GALNT2: variants seen among roughly 807,000 people sequenced by gnomAD.
GALNT2 encodes the protein UDP-GalNAc:polypeptide N-acetylgalactosaminyltransferase 2.
A neutral mutation model predicts 81.4 loss-of-function variants in GALNT2; 31 were observed. The ratio of observed to expected loss-of-function variants is 0.38; its 90% confidence interval spans 0.29 to 0.51. GALNT2 has a LOEUF of 0.51. GALNT2 is among the 20% of genes least tolerant of loss of function. The pLI, the probability that GALNT2 is intolerant of heterozygous loss-of-function variation, is 0.87. For synonymous variants in GALNT2, 303 were observed against 287.4 expected, an observed-to-expected ratio of 1.05 and a Z score of -0.55; for missense variants, 629 against 765.7, an observed-to-expected ratio of 0.82 and a Z score of 2.11.
intron 15 of GALNT2, among the ~76,000 whole-genome samples, chr1:230,277,424 A>G (rs1365118317): frequency 6.6e-6 from 1 of 152,204 alleles, no homozygotes; most frequent in South Asian, 2.1e-4. Flanking sequence ...GATTCCGTTC[A>G]TTCCGAATTC....
chr1:230,165,237 A>G (rs1662565172), intron 1 of GALNT2, among the ~76,000 whole-genome samples: 1 of 152,184 alleles, frequency 6.6e-6, no homozygotes, highest in African/African-American at 2.4e-5. Flanking sequence ...ATTTTTATAT[A>G]GTTGTTTCAT....
intron 1 of GALNT2, among the ~76,000 whole-genome samples, chr1:230,123,878 G>A (rs1279136943): frequency 6.6e-6 from 1 of 152,148 alleles, no homozygotes; most frequent in Non-Finnish European, 1.5e-5. Context: ...TAGCAGATGT[G>A]ATACAGAAAC....
At chr1:230,190,310 G>A (rs1469503371) in intron 2 of GALNT2, among the ~76,000 whole-genome samples, 1 of 152,216 alleles carries the variant, frequency 6.6e-6, no homozygotes, top group Non-Finnish European at 1.5e-5. Flanking sequence ...AGGTGGGTGT[G>A]CTGCCCCCAT....
At chr1:230,181,763 G>A (rs1283450534) in intron 2 of GALNT2, among the ~76,000 whole-genome samples, 1 of 152,144 alleles carries the variant, frequency 6.6e-6, no homozygotes, top group Admixed American at 6.5e-5. Flanking sequence ...GAATGAGTTA[G>A]GAAGTATTTC....
chr1:230,278,818 AGCCCTAAGTGGGAGCATGGAGGT>A (rs1177885075), intron 15 of GALNT2, among the ~76,000 whole-genome samples: 1 of 152,210 alleles, frequency 6.6e-6, no homozygotes, highest in Non-Finnish European at 1.5e-5. Flanking sequence ...CCGAGCAGAA[AGCCCTAAGTGGGAGCATGGAGGT>A]GCCCAGACCA....
chr1:230,220,328 C>T (rs776759103), intron 3 of GALNT2, among the ~76,000 whole-genome samples: 14 of 151,668 alleles, frequency 9.2e-5, no homozygotes, highest in Admixed American at 3.3e-4. Flanking sequence ...TATGGACCCT[C>T]GCTAGGTAAA....
Position 230,197,433 on chromosome 1 carries a change from C to T in GALNT2, c.221-5704C>T, listed in dbSNP as rs187428549. Among the ~76,000 whole-genome samples the T allele has an allele frequency of 1.6e-4, 25 of 152,252 alleles. No individual in the cohort carries two copies. In the East Asian group the frequency reaches 2.5e-3, roughly 15 times the overall value. ...CCTCTATGCTTCCTGCTCGCCCCCCCGGGGTCAGTTGCAGAGTGGGACACC... is the reference window on the plus strand; with the variant it reads ...CCTCTATGCTTCCTGCTCGCCCCCCTGGGGTCAGTTGCAGAGTGGGACACC... On this transcript the variant is annotated intron_variant, in intron 2 of 15. Coordinates refer to ENST00000366672, the MANE Select transcript of GALNT2 (RefSeq NM_004481.5).
Position 230,265,632 on chromosome 1 carries a change from G to A in GALNT2, c.1440+265G>A, listed in dbSNP as rs565167452. Among the ~76,000 whole-genome samples, 4 of 152,338 alleles carry A rather than the reference G, an allele frequency of 2.6e-5. No individual in the cohort carries two copies. The South Asian group carries it at 8.3e-4, about 32-fold the overall frequency. ...CAAGGGTGCACTGGTCACAGTTGCTGGTTGCAGGGCCCTGGTCTTCCTGCC... is the reference window on the plus strand; with the variant it reads ...CAAGGGTGCACTGGTCACAGTTGCTAGTTGCAGGGCCCTGGTCTTCCTGCC... On this transcript the variant is annotated intron_variant, in intron 14 of 15. Transcript: ENST00000366672.
intron 6 of GALNT2, among the ~76,000 whole-genome samples, chr1:230,242,938 G>A (rs1055971823): frequency 6.6e-6 from 1 of 152,168 alleles, no homozygotes; most frequent in African/African-American, 2.4e-5. Flanking sequence ...GGAAGTCTCT[G>A]GGTGACACCT....
chr1:230,202,733 C>T (rs540135542), intron 2 of GALNT2, among the ~76,000 whole-genome samples: 1 of 152,240 alleles, frequency 6.6e-6, no homozygotes, highest in African/African-American at 2.4e-5. Flanking sequence ...TGATGGAATA[C>T]CTTATGTGCA....
intron 1 of GALNT2, among the ~76,000 whole-genome samples, chr1:230,116,197 G>C (rs531596620): frequency 9.2e-5 from 14 of 152,284 alleles, no homozygotes; most frequent in Non-Finnish European, 1.6e-4. Flanking sequence ...TATAAGAGGA[G>C]TCACTATCTA....
At chr1:230,138,510 G>C (rs1661624460) in intron 1 of GALNT2, among the ~76,000 whole-genome samples, 1 of 144,686 alleles carries the variant, frequency 6.9e-6, no homozygotes, top group Non-Finnish European at 1.5e-5. Flanking sequence ...GGGCGATGCA[G>C]CGAGACTCTG....
chr1:230,098,810 G>A (rs1660322078), intron 1 of GALNT2, among the ~76,000 whole-genome samples: 1 of 152,184 alleles, frequency 6.6e-6, no homozygotes, highest in Admixed American at 6.5e-5. Context: ...TGGCAGATTA[G>A]CATCCAAGAT....
intron 1 of GALNT2, among the ~76,000 whole-genome samples, chr1:230,080,621 G>T (rs1045860672): frequency 5.9e-5 from 9 of 152,176 alleles, no homozygotes; most frequent in Non-Finnish European, 1.0e-4. Flanking sequence ...TGGACAGCTA[G>T]CTCTGGGTGT....
chr1:230,236,793 G>T, intron 6 of GALNT2, 68 bp downstream of exon 6: 3 of 1,479,276 alleles, frequency 2.0e-6, no homozygotes, highest in South Asian at 2.5e-5. Flanking sequence ...ACATAAAGAA[G>T]TGCTTTAGCT....
intron 1 of GALNT2, among the ~76,000 whole-genome samples, chr1:230,151,590 A>G (rs1168005853): frequency 6.6e-6 from 1 of 152,042 alleles, no homozygotes; most frequent in Non-Finnish European, 1.5e-5. Context: ...CTTCTGTAGG[A>G]TCTCCCCACA....
intron 1 of GALNT2, among the ~76,000 whole-genome samples, chr1:230,126,914 T>C (rs1661201004): frequency 6.6e-6 from 1 of 152,220 alleles, no homozygotes; most frequent in Non-Finnish European, 1.5e-5. Context: ...AAAGGATTTA[T>C]GGGGCTGACA....
chr1:230,136,375 A>G (rs1389841486), intron 1 of GALNT2, among the ~76,000 whole-genome samples: 2 of 152,116 alleles, frequency 1.3e-5, no homozygotes, highest in Non-Finnish European at 2.9e-5. Context: ...GCTCCAGGAG[A>G]GAGTGGGGCC....
At chr1:230,067,496 C>A in intron 1 of GALNT2, 90 bp downstream of exon 1, 1 of 424,318 alleles carries the variant, frequency 2.4e-6, no homozygotes, top group Non-Finnish European at 3.5e-6. Flanking sequence ...CGCCCCTGCG[C>A]TCCTCCGCCC....
Sources: allele counts gnomAD v4.1 joint callset (sites outside exome capture counted in the v4.1 genomes callset), GRCh38; gene constraint gnomAD v4.1.1; transcripts MANE v1.5; gene names NCBI Gene and HGNC (gene_info 2026-07-23, HGNC 2026-07-21).